Variants in PRKCQ observed in about 807,000 individuals in gnomAD.
PRKCQ encodes the protein protein kinase C theta, also known as protein kinase C theta type.
In PRKCQ, 41 loss-of-function variants were observed where a neutral mutation model predicts 91.2. The ratio of observed to expected loss-of-function variants is 0.45; its 90% CI spans 0.35 to 0.58. The LOEUF is 0.58. PRKCQ is among the 20% of genes least tolerant of loss of function. The pLI is 0.00. For synonymous variants in PRKCQ, 307 were observed against 316.9 expected (o/e 0.97, Z 0.33); for missense variants, 673 against 896.5 (o/e 0.75, Z 3.18).
At position 6,533,288 on chromosome 10, in the gene PRKCQ, C is replaced by T. The variant is rs1160249233; in HGVS notation, c.-9-18144G>A. Reference sequence around the variant, plus strand: ...TCTCGGCTCACTGCAACCACCATCTCCCGAGTTCAAGCGATTCTCCTGTCT... The same window carrying T: ...TCTCGGCTCACTGCAACCACCATCTTCCGAGTTCAAGCGATTCTCCTGTCT... On this transcript the variant is annotated intron_variant, in intron 1 of 17. Transcript: ENST00000263125. Among the ~76,000 whole-genome samples the T allele has an allele frequency of 4.6e-5, 7 of 152,182 alleles. No homozygotes were observed. The East Asian group carries it at 1.3e-3, about 29-fold the overall frequency.
At chr10:6,448,415 A>ATT (rs33922767) in intron 15 of PRKCQ, among the ~76,000 whole-genome samples, 3,206 of 148,478 alleles carry the variant, frequency 0.022, 110 homozygotes, top group African/African-American at 0.074. Context: ...GTAGCACTTA[A>ATT]TTTTTTTTTT....
intron 1 of PRKCQ, among the ~76,000 whole-genome samples, chr10:6,568,221 A>C (rs1187213962): frequency 6.6e-6 from 1 of 152,296 alleles, no homozygotes; most frequent in Non-Finnish European, 1.5e-5. Flanking sequence ...GTCTCCAAAA[A>C]AGAAAAAAAC....
the PRKCQ span, among the ~76,000 whole-genome samples, chr10:6,412,805 G>T: frequency 6.6e-6 from 1 of 152,220 alleles, no homozygotes; most frequent in Non-Finnish European, 1.5e-5. Context: ...CGGGTTACAA[G>T]TGACTTGAGT....
chr10:6,449,672 G>A (rs996805554), intron 15 of PRKCQ, among the ~76,000 whole-genome samples: 1 of 152,010 alleles, frequency 6.6e-6, no homozygotes, highest in African/African-American at 2.4e-5. Context: ...AATGTTAAGG[G>A]CAGCCAGAGA....
At chr10:6,580,078 T>C (rs561585838) in intron 1 of PRKCQ, 133 bp downstream of exon 1, 1 of 152,262 alleles carries the variant, frequency 6.6e-6, no homozygotes, top group African/African-American at 2.4e-5. Flanking sequence ...CATTTCCTAC[T>C]CCGCCTGCTC....
At chr10:6,505,262 G>A (rs750077816) in intron 4 of PRKCQ, among the ~76,000 whole-genome samples, 10 of 152,124 alleles carry the variant, frequency 6.6e-5, no homozygotes, top group Non-Finnish European at 1.2e-4. Flanking sequence ...GTTTTTGCCC[G>A]ATTGAATTTG....
chr10:6,419,057 A>G, the PRKCQ span, among the ~76,000 whole-genome samples: 2 of 151,594 alleles, frequency 1.3e-5, no homozygotes, highest in Non-Finnish European at 2.9e-5. Flanking sequence ...ATCTCTATCT[A>G]TGTATCATCT....
At chr10:6,494,303 T>C (rs895745713) in intron 7 of PRKCQ, among the ~76,000 whole-genome samples, 2 of 152,160 alleles carry the variant, frequency 1.3e-5, no homozygotes, top group African/African-American at 4.8e-5. Context: ...CTTGACTGTT[T>C]TGTTTATCTG....
chr10:6,417,061 T>C, the PRKCQ span, among the ~76,000 whole-genome samples: 1 of 152,308 alleles, frequency 6.6e-6, no homozygotes, highest in South Asian at 2.1e-4. Flanking sequence ...GAAATACAAG[T>C]TTGGGACACT....
chr10:6,441,932 TG>T lies in PRKCQ; in HGVS notation c.1796del (p.Pro599HisfsTer13). 1 of 1,612,104 alleles carries T rather than the reference TG, an allele frequency of 6.2e-7. No homozygotes were observed. Among genetic ancestry groups the T allele is most frequent in the Non-Finnish European group, 8.5e-7 (1 of 1,178,416 alleles). On this transcript the variant is annotated frameshift_variant, in exon 16 of 18. Coordinates refer to ENST00000263125, the MANE Select transcript of PRKCQ (RefSeq NM_006257.5). LOFTEE classifies it high-confidence loss of function. ...HSIRMDNPFY[P>X]RWLEKEAKDL... is the part of the protein sequence containing the mutation. ...CCTTTGCTTCCTTCTCCAGCCACCGTGGGTAAAAGGGATTGTCCATGCGGAT... is the reference window on the plus strand; with the variant it reads ...CCTTTGCTTCCTTCTCCAGCCACCGTGGTAAAAGGGATTGTCCATGCGGAT...
intron 1 of PRKCQ, among the ~76,000 whole-genome samples, chr10:6,523,947 T>A (rs915782471): frequency 5.3e-5 from 8 of 152,176 alleles, no homozygotes; most frequent in Non-Finnish European, 1.0e-4. Flanking sequence ...AGCCTCCGTT[T>A]ATTGGGTTCA....
At chr10:6,425,466 C>T (rs1833094116), downstream of PRKCQ, among the ~76,000 whole-genome samples, 1 of 152,046 alleles carries the variant, frequency 6.6e-6, no homozygotes, top group Non-Finnish European at 1.5e-5. Context: ...TCATGATCTG[C>T]CTGCCTGGGT....
chr10:6,428,168 G>A lies in PRKCQ; in HGVS notation c.*39C>T. On this transcript the variant is annotated 3_prime_UTR_variant, in exon 18 of 18. Transcript: ENST00000263125. ...AGTGTCTCTTGAACCAGTTCCCAGG[G>A]AGAAGGCAAATTCTTTCCTGTCTCT... 6.2e-7 allele frequency: 1 copy of A among 1,613,406 alleles called. No homozygotes were observed. Among genetic ancestry groups the A allele is most frequent in the East Asian group, 2.2e-5 (1 of 44,878 alleles).
intron 11 of PRKCQ, among the ~76,000 whole-genome samples, chr10:6,480,040 G>T (rs1280284191): frequency 6.6e-6 from 1 of 152,098 alleles, no homozygotes; most frequent in African/African-American, 2.4e-5. Context: ...CATGTAGTAG[G>T]TCCTAAAATG....
intron 12 of PRKCQ, among the ~76,000 whole-genome samples, chr10:6,474,009 C>T (rs1453981778): frequency 6.6e-6 from 1 of 152,122 alleles, no homozygotes; most frequent in Non-Finnish European, 1.5e-5. Context: ...GAACCAGTGT[C>T]ACAAAGAAAT....
At chr10:6,549,986 T>C (rs184074742) in intron 1 of PRKCQ, among the ~76,000 whole-genome samples, 2 of 152,232 alleles carry the variant, frequency 1.3e-5, no homozygotes, top group Non-Finnish European at 2.9e-5. Context: ...TTCTGTATAT[T>C]CACATTGTTG....
the PRKCQ span, among the ~76,000 whole-genome samples, chr10:6,399,482 T>C: frequency 3.0e-4 from 45 of 148,486 alleles, no homozygotes; most frequent in African/African-American, 9.8e-4. Flanking sequence ...AATTGCCCCC[T>C]TTTTTTTTTC....
chr10:6,562,702 C>T (rs1466515444), intron 1 of PRKCQ, among the ~76,000 whole-genome samples: 2 of 152,192 alleles, frequency 1.3e-5, no homozygotes, highest in Non-Finnish European at 2.9e-5. Flanking sequence ...GTATTAAGAA[C>T]ACAGATCATG....
intron 1 of PRKCQ, among the ~76,000 whole-genome samples, chr10:6,553,631 A>C (rs1209196764): frequency 2.7e-5 from 4 of 149,916 alleles, no homozygotes; most frequent in African/African-American, 4.9e-5. Flanking sequence ...CTTCTCCTCC[A>C]CTTTCTTATA....
Sources: gnomAD v4.1 joint callset for allele counts (sites outside exome capture counted in the v4.1 genomes callset) on GRCh38, gnomAD v4.1.1 for gene constraint, MANE v1.5 for transcripts, NCBI Gene and HGNC (gene_info 2026-07-23, HGNC 2026-07-21) for gene names.